The following C3 variants were observed in gnomAD, a reference collection of about 807,000 sequenced individuals.
C3 encodes complement C3.
A neutral mutation model predicts 207.9 loss-of-function variants in C3; 97 were observed. That is an observed-to-expected ratio of 0.47 (90% CI 0.40 to 0.55). The LOEUF is 0.55. Ranked by LOEUF, C3 falls within the 20% of genes least tolerant of loss-of-function variation. The pLI, the probability that C3 is intolerant of heterozygous loss-of-function variation, is 0.00. For synonymous variants in C3, 848 were observed against 857.6 expected (o/e 0.99, Z 0.20); for missense variants, 1,684 against 2,171.7 (o/e 0.78, Z 4.46).
rs769952954 is a variant in C3, at chr19:6,707,269, G to A, written c.2052C>T (p.Gly684=). ...ACTTGCGCAGCTCCTTGGGGTACTTGCCGACTGCGGGAGCACGTGTTCCCC... is the reference window on the plus strand; with the variant it reads ...ACTTGCGCAGCTCCTTGGGGTACTTACCGACTGCGGGAGCACGTGTTCCCC... ...QLTEKRMDKV[G]KYPKELRKCC... The change falls in exon 17 of 41, where the codon GGC becomes GGT. Residue 684 remains glycine (G), a synonymous_variant. Coordinates refer to ENST00000245907, the MANE Select transcript of C3 (RefSeq NM_000064.4). The A allele has an allele frequency of 1.2e-6, 2 of 1,607,946 alleles. No homozygotes were observed. Among genetic ancestry groups the A allele is most frequent in the South Asian group, 1.1e-5 (1 of 90,452 alleles).
chr19:6,688,042 G>C (rs1918055386), intron 27 of C3, among the ~76,000 whole-genome samples: 1 of 151,314 alleles, frequency 6.6e-6, no homozygotes, highest in Non-Finnish European at 1.5e-5. Flanking sequence ...ATTTTTAGTA[G>C]AGACGGGGTT....
chr19:6,720,018 T>A (rs967230731), intron 1 of C3, among the ~76,000 whole-genome samples: 1 of 152,112 alleles, frequency 6.6e-6, no homozygotes, highest in Non-Finnish European at 1.5e-5. Context: ...GTCCCCAAGC[T>A]GCAAACTCCC....
intron 19 of C3, among the ~76,000 whole-genome samples, chr19:6,699,226 C>T (rs1967597888): frequency 7.2e-6 from 1 of 138,034 alleles, no homozygotes; most frequent in African/African-American, 2.7e-5. Flanking sequence ...CCTTTTCTTT[C>T]TCTTTTCTTT....
chr19:6,693,130 A>T (rs1399362278), intron 25 of C3, 47 bp from the exon 26 acceptor site: 16 of 1,604,944 alleles, frequency 1.0e-5, no homozygotes, highest in Non-Finnish European at 1.3e-5. Context: ...AGATCCAGAG[A>T]CTGCCATGTC....
chr19:6,714,542 CT>C (rs1225433528), intron 4 of C3, 96 bp from the exon 5 acceptor site: 9 of 864,280 alleles, frequency 1.0e-5, no homozygotes, highest in Non-Finnish European at 1.7e-5. Context: ...TGGACATTCT[CT>C]GTGCACAGTG....
At chr19:6,687,513 G>A (rs568019171) in intron 27 of C3, among the ~76,000 whole-genome samples, 123 of 152,280 alleles carry the variant, frequency 8.1e-4, no homozygotes, top group African/African-American at 2.8e-3. Flanking sequence ...GAAATAAGTG[G>A]CAGAGTTAGG....
At position 6,693,073 on chromosome 19, in the gene C3, A is replaced by T. The variant is rs1918205982; in HGVS notation, c.3241T>A (p.Tyr1081Asn). Reference sequence around the variant, plus strand: ...GCCAGAGAGAAGACCTTGACCACGTAGGCGGTCAGCCTGGAGTGGGCACAG... The same window carrying T: ...GCCAGAGAGAAGACCTTGACCACGTTGGCGGTCAGCCTGGAGTGGGCACAG... ...KRAPSTWLTA[Y>N]VVKVFSLAVN... The change falls in exon 26 of 41, where the codon TAC (tyrosine) becomes AAC (asparagine). Residue 1081 changes from tyrosine (Y) to asparagine (N), a missense_variant. Physicochemically the swap from Tyr to Asn is moderately radical, Grantham distance 143. Coordinates refer to ENST00000245907, the MANE Select transcript of C3 (RefSeq NM_000064.4). 6.2e-7 allele frequency: 1 copy of T among 1,613,938 alleles called. No homozygotes were observed. Among genetic ancestry groups the T allele is most frequent in the Admixed American group, 1.7e-5 (1 of 60,012 alleles).
intron 33 of C3, 79 bp downstream of exon 33, chr19:6,684,309 A>G (rs1234103905): frequency 8.3e-6 from 9 of 1,082,056 alleles, no homozygotes; most frequent in Non-Finnish European, 1.3e-5. Flanking sequence ...AGTACTGAAT[A>G]TCATGGATAT....
chr19:6,697,730 T>A lies in C3; in HGVS notation c.2505A>T (p.Leu835=). The A allele has an allele frequency of 1.2e-6, 2 of 1,613,946 alleles. No individual in the cohort carries two copies. Among genetic ancestry groups the A allele is most frequent in the South Asian group, 1.1e-5 (1 of 91,062 alleles). The stretch of plus-strand genomic sequence containing the variant: ...GCTCGTTTCGAACAACAGAGTAGGG[T>A]AGCCGCAGGTCGATGAAGAAGTCCT... ...VMQDFFIDLR[L]PYSVVRNEQV... Residue 835 remains leucine, a synonymous_variant, in exon 20 of 41, where the codon CTA becomes CTT. Coordinates refer to ENST00000245907, the MANE Select transcript of C3 (RefSeq NM_000064.4).
chr19:6,704,835 T>C (rs533550194), intron 17 of C3, among the ~76,000 whole-genome samples: 1 of 151,678 alleles, frequency 6.6e-6, no homozygotes, highest in South Asian at 2.1e-4. Context: ...GAGGTGGAGG[T>C]TGCGGTGAGC....
intron 35 of C3, among the ~76,000 whole-genome samples, chr19:6,680,791 G>A (rs1426263980): frequency 6.6e-6 from 1 of 152,162 alleles, no homozygotes; most frequent in Admixed American, 6.6e-5. Context: ...GGTATCAGGA[G>A]TTAGCAGGGA....
chr19:6,695,010 C>T (rs1445525633), intron 23 of C3, among the ~76,000 whole-genome samples: 1 of 152,168 alleles, frequency 6.6e-6, no homozygotes, highest in African/African-American at 2.4e-5. Context: ...GTGGCTGAAG[C>T]CTGTAATCTC....
chr19:6,714,498 G>T, intron 4 of C3, 52 bp from the exon 5 acceptor site: 1 of 1,274,614 alleles, frequency 7.8e-7, no homozygotes, highest in Non-Finnish European at 1.1e-6. Flanking sequence ...TTCGGAGGCT[G>T]GGCTTAGCCT....
In C3 at chr19:6,678,178, GGA is replaced by G; in HGVS notation, c.4822_4823del (p.Ser1608LeufsTer66). 1.2e-6 allele frequency: 2 copies of G among 1,614,198 alleles called. No individual in the cohort carries two copies. The highest frequency in any genetic ancestry group is 1.7e-6 in the Non-Finnish European group (2 of 1,180,036). Reference protein sequence around the residue: ...EKKHYLMWGLSSDFWGEKPNL... With the variant: ...EKKHYLMWGLXSDFWGEKPNL... ...TGGGCTTCTCTCCCCAGAAATCGGAGGAGAGACCCCACATGAGGTAGTGTTTC... is the reference window on the plus strand; with the variant it reads ...TGGGCTTCTCTCCCCAGAAATCGGAGGAGACCCCACATGAGGTAGTGTTTC... On this transcript the variant is annotated frameshift_variant, in exon 40 of 41. Transcript: ENST00000245907. LOFTEE classifies it high-confidence loss of function.
At chr19:6,700,998 T>TA (rs1272920895) in intron 19 of C3, among the ~76,000 whole-genome samples, 3 of 151,882 alleles carry the variant, frequency 2.0e-5, no homozygotes, top group Non-Finnish European at 4.4e-5. Context: ...TTGACACTGT[T>TA]AGAGTAGGCA....
Position 6,696,479 on chromosome 19 carries a change from G to A in C3, c.2864-14C>T, listed in dbSNP as rs749886787. 5.6e-6 allele frequency: 9 copies of A among 1,602,618 alleles called. No individual in the cohort carries two copies. In the East Asian group the frequency reaches 1.6e-4, roughly 28 times the overall value. On this transcript the variant is annotated splice_polypyrimidine_tract_variant and intron_variant, in intron 22 of 40. Transcript: ENST00000245907. ...TCTGCACTCCTTCTGCAGGGTGAGT[G>A]AGAGATACCGATGGCTCTAGCTCCC...
Position 6,677,949 on chromosome 19 carries a change from T to G in C3, c.4925A>C (p.Asn1642Thr). ...GCCGAGGTCCTGGCATTGTTTCTGG[T>G]TCTCTTCGTCTTGGCATTCGTCCTC... ...PEEDECQDEE[N>T]QKQCQDLGAF... Residue 1642 changes from asparagine to threonine, a missense_variant, in exon 41 of 41, where the codon AAC becomes ACC. By Grantham distance (65) the Asn-to-Thr change is moderately conservative. This residue lies in a region of C3 where 346 missense variants were observed against 380.1 expected (regional missense o/e 0.91). Coordinates refer to ENST00000245907, the MANE Select transcript of C3 (RefSeq NM_000064.4). The G allele has an allele frequency of 6.2e-7, 1 of 1,614,052 alleles. No homozygotes were observed. The highest frequency in any genetic ancestry group is 8.5e-7 in the Non-Finnish European group (1 of 1,179,984).
chr19:6,693,209 C>T, intron 25 of C3, 126 bp from the exon 26 acceptor site: 2 of 1,220,142 alleles, frequency 1.6e-6, no homozygotes, highest in East Asian at 2.4e-5. Context: ...TTCCCAGGCC[C>T]CAGGACCCAG....
At chr19:6,712,445 C>T in intron 10 of C3, 39 bp from the exon 11 acceptor site, 1 of 1,614,186 alleles carries the variant, frequency 6.2e-7, no homozygotes, top group Non-Finnish European at 8.5e-7. Flanking sequence ...TTCAGGCAGG[C>T]TCAGGGCTGT....
Sources: gnomAD v4.1 joint callset for allele counts (sites outside exome capture counted in the v4.1 genomes callset) on GRCh38, gnomAD v4.1.1 for gene constraint, gnomAD v4.1.1 regional missense constraint, MANE v1.5 for transcripts, NCBI Gene and HGNC (gene_info 2026-07-23, HGNC 2026-07-21) for gene names.